Variants in ILRUN observed in about 807,000 individuals in gnomAD.
The protein encoded by ILRUN is inflammation and lipid regulator with UBA-like and NBR1-like domains.
A neutral mutation model predicts 33.8 loss-of-function variants in ILRUN; 3 were observed. The ratio of observed to expected loss-of-function variants is 0.09; its 90% confidence interval spans 0.04 to 0.23. The LOEUF (loss-of-function observed/expected upper bound fraction) is 0.23. Among genes scored for constraint, ILRUN ranks in the 10% least tolerant of loss-of-function variants. The pLI, the probability that ILRUN is intolerant of heterozygous loss-of-function variation, is 1.00. For missense variants in ILRUN, 210 were observed against 375.1 expected (o/e 0.56, Z 3.64); for synonymous variants, 124 against 138.9 (o/e 0.89, Z 0.75).
chr6:34,682,409 C>A (rs1763386777), intron 1 of ILRUN, among the ~76,000 whole-genome samples: 1 of 151,984 alleles, frequency 6.6e-6, no homozygotes, highest in African/African-American at 2.4e-5. Context: ...AGGCGCCCGC[C>A]ACCAGGCCCA....
At chr6:34,628,819 T>C (rs940012931) in intron 3 of ILRUN, among the ~76,000 whole-genome samples, 3 of 152,058 alleles carry the variant, frequency 2.0e-5, no homozygotes, top group Admixed American at 6.5e-5. Context: ...AAGGAAATTG[T>C]AGAGAATTAG....
intron 3 of ILRUN, among the ~76,000 whole-genome samples, chr6:34,640,077 G>C (rs1762439159): frequency 6.6e-6 from 1 of 152,040 alleles, no homozygotes. Flanking sequence ...AAAATGTTAG[G>C]GCTTGAAAAT....
chr6:34,683,445 T>TATATAC (rs1321471947), intron 1 of ILRUN, among the ~76,000 whole-genome samples: 52 of 108,448 alleles, frequency 4.8e-4, no homozygotes, highest in African/African-American at 2.4e-3. Context: ...TATATACATA[T>TATATAC]ATATATACAT....
intron 1 of ILRUN, among the ~76,000 whole-genome samples, chr6:34,690,396 G>T (rs1004588962): frequency 6.6e-6 from 1 of 152,116 alleles, no homozygotes; most frequent in African/African-American, 2.4e-5. Context: ...AGGAGGCAGA[G>T]GTTGCAGTGA....
At chr6:34,616,786 T>G (rs1582047941) in intron 3 of ILRUN, 1 of 690,304 alleles carries the variant, frequency 1.4e-6, no homozygotes, top group East Asian at 2.5e-5. Context: ...AATTGGCATT[T>G]ATCATTAGGA....
chr6:34,620,462 G>C (rs1291519558), intron 3 of ILRUN, among the ~76,000 whole-genome samples: 1 of 152,150 alleles, frequency 6.6e-6, no homozygotes, highest in African/African-American at 2.4e-5. Flanking sequence ...ATTTAACCTG[G>C]AGAACTATAA....
At chr6:34,670,559 A>T (rs1763095816) in intron 1 of ILRUN, among the ~76,000 whole-genome samples, 1 of 152,106 alleles carries the variant, frequency 6.6e-6, no homozygotes. Context: ...AAATTAAAAG[A>T]TGAGGATAGG....
At chr6:34,605,361 T>C in intron 4 of ILRUN, among the ~76,000 whole-genome samples, 1 of 142,940 alleles carries the variant, frequency 7.0e-6, no homozygotes, top group South Asian at 2.2e-4. Flanking sequence ...GGCGTGGTGG[T>C]TCACACCTGT....
At chr6:34,673,839 A>G (rs1283947000) in intron 1 of ILRUN, among the ~76,000 whole-genome samples, 1 of 148,966 alleles carries the variant, frequency 6.7e-6, no homozygotes, top group African/African-American at 2.5e-5. Flanking sequence ...ACATACACAC[A>G]CACACACACA....
intron 1 of ILRUN, among the ~76,000 whole-genome samples, chr6:34,672,377 C>CT (rs1471934968): frequency 6.6e-6 from 1 of 152,086 alleles, no homozygotes; most frequent in African/African-American, 2.4e-5. Flanking sequence ...GTGTGAGCCA[C>CT]TGTGCCCAAC....
chr6:34,630,214 A>G (rs1017048411), intron 3 of ILRUN, among the ~76,000 whole-genome samples: 1 of 152,176 alleles, frequency 6.6e-6, no homozygotes, highest in Non-Finnish European at 1.5e-5. Context: ...CCTGGGCAAG[A>G]TGGAACGCTC....
chr6:34,687,757 G>A (rs1004008005), intron 1 of ILRUN, among the ~76,000 whole-genome samples: 2 of 146,458 alleles, frequency 1.4e-5, no homozygotes, highest in African/African-American at 2.6e-5. Context: ...TAAACTGGAA[G>A]TTTAAAAGAA....
At chr6:34,650,307 T>C (rs943754619) in intron 2 of ILRUN, among the ~76,000 whole-genome samples, 1 of 152,180 alleles carries the variant, frequency 6.6e-6, no homozygotes, top group African/African-American at 2.4e-5. Context: ...GTCTGAATCC[T>C]AGAATTTTGC....
At chr6:34,621,419 A>G (rs904674566) in intron 3 of ILRUN, among the ~76,000 whole-genome samples, 4 of 152,168 alleles carry the variant, frequency 2.6e-5, no homozygotes, top group Non-Finnish European at 4.4e-5. Context: ...ATTATGCAAA[A>G]TATCGATTGC....
chr6:34,606,912 A>C lies in ILRUN; in HGVS notation c.512-8T>G, dbSNP rs751344052. The C allele has an allele frequency of 3.1e-6, 5 of 1,599,740 alleles. No individual in the cohort carries two copies. Among genetic ancestry groups the C allele is most frequent in the Non-Finnish European group, 3.4e-6 (4 of 1,172,848 alleles). On this transcript the variant is annotated splice_region_variant and splice_polypyrimidine_tract_variant and intron_variant, in intron 3 of 4. Coordinates refer to ENST00000374023, the MANE Select transcript of ILRUN (RefSeq NM_024294.4). ...GAATCACCCAGATGACATCTGAAACAAAAAGGTAACTCATTTCAATGCCAG... is the reference window on the plus strand; with the variant it reads ...GAATCACCCAGATGACATCTGAAACCAAAAGGTAACTCATTTCAATGCCAG...
rs1297684827 is a variant in ILRUN, at chr6:34,614,440, A to AT, written c.512-7537_512-7536insA. Among the ~76,000 whole-genome samples the AT allele has an allele frequency of 3.0e-4, 37 of 125,072 alleles. 1 individual carries two copies. The highest frequency in any genetic ancestry group is 1.2e-3 in the African/African-American group (32 of 25,734). The allele number at this position is 125,072 out of a possible 152,430, so 82.1% of individuals were successfully genotyped here. A position where few individuals can be genotyped will look rare whatever the true frequency, so the allele number is the denominator to read the frequency against. On this transcript the variant is annotated intron_variant, in intron 3 of 4. Transcript: ENST00000374023. ...CCATCTCAAAAAATAATAAAAAAAA[A>AT]AAAATATATATATATAAAATGTATA...
At position 34,588,289 on chromosome 6, in the gene ILRUN, G is replaced by A. The variant is rs574944139; in HGVS notation, c.*2276C>T. ...CAAGTGTGGTTGCCTAGAAGCAAGA[G>A]GAAGAGCAAGACGACTCTGGCAGGC... On this transcript the variant is annotated 3_prime_UTR_variant, in exon 5 of 5. Transcript: ENST00000374023. The A allele has an allele frequency of 2.6e-4, 105 of 398,594 alleles. No individual in the cohort carries two copies. The South Asian group carries it at 0.012, about 46-fold the overall frequency. 24.7% of individuals were successfully genotyped at this position (398,594 alleles called of 1,614,324 possible). A position where few individuals can be genotyped will look rare whatever the true frequency, so the allele number is the denominator to read the frequency against.
chr6:34,683,507 T>TAC (rs1159448816), intron 1 of ILRUN, among the ~76,000 whole-genome samples: 30 of 74,700 alleles, frequency 4.0e-4, no homozygotes, highest in African/African-American at 2.0e-3. Context: ...TACATATATA[T>TAC]ATATATACAT....
At chr6:34,630,552 T>G (rs757433847) in intron 3 of ILRUN, among the ~76,000 whole-genome samples, 2 of 152,066 alleles carry the variant, frequency 1.3e-5, no homozygotes, top group Non-Finnish European at 2.9e-5. Context: ...CCCAGCTAAT[T>G]TTTGTATTTT....
Sources: gnomAD v4.1 joint callset for allele counts (sites outside exome capture counted in the v4.1 genomes callset) on GRCh38, gnomAD v4.1.1 for gene constraint, MANE v1.5 for transcripts, NCBI Gene and HGNC (gene_info 2026-07-23, HGNC 2026-07-21) for gene names.